DYRK1A: variants seen among roughly 807,000 people sequenced by gnomAD.
DYRK1A encodes dual specificity tyrosine-phosphorylation-regulated kinase 1A.
Under a neutral mutation model 79.7 loss-of-function variants are expected in DYRK1A, and 9 were observed. That is an observed-to-expected ratio of 0.11 (90% CI 0.07 to 0.20). The LOEUF (loss-of-function observed/expected upper bound fraction) is 0.20, where lower values mean the gene tolerates loss of function less well. DYRK1A is among the 10% of genes least tolerant of loss of function. DYRK1A has a pLI of 1.00. For missense variants in DYRK1A, 622 were observed against 956.0 expected (o/e 0.65, Z 4.61); for synonymous variants, 349 against 329.7 (o/e 1.06, Z -0.63).
chr21:37,414,101 G>A (rs754320435), intron 1 of DYRK1A, among the ~76,000 whole-genome samples: 1 of 152,114 alleles, frequency 6.6e-6, no homozygotes, highest in Non-Finnish European at 1.5e-5. Flanking sequence ...AAGGAGCAGA[G>A]ATTCCAACAC....
chr21:37,462,287 A>G (rs1299955020), intron 2 of DYRK1A, among the ~76,000 whole-genome samples: 1 of 152,042 alleles, frequency 6.6e-6, no homozygotes, highest in East Asian at 1.9e-4. Flanking sequence ...TGTTCTCTTT[A>G]AAGAGTGTTG....
chr21:37,388,685 C>T (rs1160832101), intron 1 of DYRK1A, among the ~76,000 whole-genome samples: 1 of 151,678 alleles, frequency 6.6e-6, no homozygotes, highest in Non-Finnish European at 1.5e-5. Context: ...CGCTCTGTCG[C>T]CCAGGCTGGA....
intron 1 of DYRK1A, among the ~76,000 whole-genome samples, chr21:37,396,164 C>G (rs1356298905): frequency 6.6e-6 from 1 of 151,708 alleles, no homozygotes; most frequent in Non-Finnish European, 1.5e-5. Flanking sequence ...ATATTGTTAT[C>G]TGGGTTTATT....
chr21:37,512,153 T>G lies in DYRK1A; in HGVS notation c.1887T>G (p.Asn629Lys). The change falls in exon 12 of 12, where the codon AAT becomes AAG. Residue 629 changes from asparagine (N) to lysine (K), a missense_variant. Asn to Lys is a moderately conservative substitution (Grantham distance 94, BLOSUM62 0). Coordinates refer to ENST00000647188, the MANE Select transcript of DYRK1A (RefSeq NM_001347721.2). ...CAAGGGTCTACAATTCTCCAACGAA[T>G]AGCTCCTCTACCCAAGATTCTATGG... ...TRPRVYNSPT[N>K]SSSTQDSMEV... is the part of the protein sequence containing the mutation. 6.2e-7 allele frequency: 1 copy of G among 1,614,194 alleles called. No homozygotes were observed. The highest frequency in any genetic ancestry group is 1.3e-5 in the African/African-American group (1 of 75,044).
At chr21:37,508,079 C>T (rs561267433) in intron 11 of DYRK1A, among the ~76,000 whole-genome samples, 9 of 152,286 alleles carry the variant, frequency 5.9e-5, no homozygotes, top group African/African-American at 2.2e-4. Flanking sequence ...ACTCCTCTCT[C>T]CCTCTTTCCC....
intron 11 of DYRK1A, among the ~76,000 whole-genome samples, chr21:37,507,987 C>T (rs756071316): frequency 3.3e-5 from 5 of 151,818 alleles, no homozygotes; most frequent in Non-Finnish European, 7.4e-5. Flanking sequence ...TTTTCACTTC[C>T]TTCCCAACGC....
chr21:37,373,381 G>C (rs11700732), intron 1 of DYRK1A, among the ~76,000 whole-genome samples: 11,489 of 152,226 alleles, frequency 0.075, 648 homozygotes, highest in Non-Finnish European at 0.11. Context: ...TGCTGAGTTG[G>C]TTGGTAGCTA....
chr21:37,398,189 A>G (rs79128498), intron 1 of DYRK1A, among the ~76,000 whole-genome samples: 5,446 of 150,644 alleles, frequency 0.036, 330 homozygotes, highest in African/African-American at 0.12. Flanking sequence ...CACACACACA[A>G]AATAGTTAGC....
At chr21:37,508,123 A>G (rs894352781) in intron 11 of DYRK1A, among the ~76,000 whole-genome samples, 2 of 152,158 alleles carry the variant, frequency 1.3e-5, no homozygotes, top group African/African-American at 2.4e-5. Context: ...ATCTGGATTC[A>G]CCACATCTTA....
At chr21:37,388,690 G>A (rs58321491) in intron 1 of DYRK1A, among the ~76,000 whole-genome samples, 1,855 of 151,634 alleles carry the variant, frequency 0.012, 33 homozygotes, top group African/African-American at 0.042. Flanking sequence ...TGTCGCCCAG[G>A]CTGGAGTGTA....
At chr21:37,400,451 G>T (rs1307277360) in intron 1 of DYRK1A, among the ~76,000 whole-genome samples, 1 of 152,188 alleles carries the variant, frequency 6.6e-6, no homozygotes, top group Admixed American at 6.5e-5. Context: ...TGCTTTTGAA[G>T]TAGCAACTTG....
intron 1 of DYRK1A, among the ~76,000 whole-genome samples, chr21:37,406,238 G>A (rs562628263): frequency 8.5e-5 from 13 of 152,264 alleles, no homozygotes; most frequent in African/African-American, 2.9e-4. Flanking sequence ...TTACTACAGA[G>A]TGTTTACTGG....
At position 37,522,398 on chromosome 21, in the gene DYRK1A, C is replaced by G. The variant is rs951364448; in HGVS notation, c.*9867C>G. On this transcript the variant is annotated 3_prime_UTR_variant, in exon 12 of 12. Transcript: ENST00000647188. The stretch of plus-strand genomic sequence containing the variant: ...ACTTGCAGAAGATGACACAACTGAC[C>G]AGCGACAGTCTGTCTTCTAGTCAGG... 6.6e-6 allele frequency: 1 copy of G among 152,204 alleles called. No homozygotes were observed. Among genetic ancestry groups the G allele is most frequent in the Non-Finnish European group, 1.5e-5 (1 of 68,044 alleles). The allele number at this position is 152,204 out of a possible 1,614,324, so 9.4% of individuals were successfully genotyped here.
chr21:37,495,152 T>G (rs977811565), intron 8 of DYRK1A, among the ~76,000 whole-genome samples: 10 of 137,740 alleles, frequency 7.3e-5, no homozygotes, highest in African/African-American at 2.7e-4. Context: ...CTCTGGGATT[T>G]TGTGTGTGTG....
At position 37,409,892 on chromosome 21, in the gene DYRK1A, A is replaced by T. The variant is rs1026019434; in HGVS notation, c.-76-10407A>T. On this transcript the variant is annotated intron_variant, in intron 1 of 11. Transcript: ENST00000647188. ...AGAATTCAAGTGATCACACAACATCATATCTGTGTTACCTTTTGTGTTGAA... is the reference window on the plus strand; with the variant it reads ...AGAATTCAAGTGATCACACAACATCTTATCTGTGTTACCTTTTGTGTTGAA... Among the ~76,000 whole-genome samples, 4 of 152,330 alleles carry T rather than the reference A, an allele frequency of 2.6e-5. No individual in the cohort carries two copies. In the South Asian group the frequency reaches 8.3e-4, roughly 32 times the overall value.
At chr21:37,496,359 A>T (rs1251760537) in intron 9 of DYRK1A, 101 bp downstream of exon 9, 6 of 1,249,200 alleles carry the variant, frequency 4.8e-6, no homozygotes, top group Non-Finnish European at 5.5e-6. Context: ...AGTGTGTTTC[A>T]GTTAACGATT....
intron 2 of DYRK1A, among the ~76,000 whole-genome samples, chr21:37,429,475 G>C (rs560093064): frequency 1.3e-5 from 2 of 152,330 alleles, no homozygotes; most frequent in South Asian, 2.1e-4. Context: ...GGTAGAGAGT[G>C]AAGGGGAAGC....
At chr21:37,447,219 A>T (rs2051302257) in intron 2 of DYRK1A, among the ~76,000 whole-genome samples, 1 of 152,050 alleles carries the variant, frequency 6.6e-6, no homozygotes, top group South Asian at 2.1e-4. Context: ...TTCACTAAAG[A>T]TTTGTCAGTG....
intron 1 of DYRK1A, among the ~76,000 whole-genome samples, chr21:37,402,938 A>G (rs1212921134): frequency 6.6e-6 from 1 of 151,820 alleles, no homozygotes; most frequent in Non-Finnish European, 1.5e-5. Flanking sequence ...TAATTTTTGT[A>G]TTTTTAGTAG....
Sources: gnomAD v4.1 joint callset for allele counts (sites outside exome capture counted in the v4.1 genomes callset) on GRCh38, gnomAD v4.1.1 for gene constraint, MANE v1.5 for transcripts, NCBI Gene and HGNC (gene_info 2026-07-23, HGNC 2026-07-21) for gene names.